Variants in KCNK9 observed in about 807,000 individuals in gnomAD.
KCNK9 encodes the protein potassium channel subfamily K member 9.
In KCNK9, 1 loss-of-function variant was observed where a neutral mutation model predicts 10.8. The ratio of observed to expected loss-of-function variants is 0.09; its 90% confidence interval spans 0.03 to 0.44. The LOEUF (loss-of-function observed/expected upper bound fraction) is 0.44. KCNK9 is among the 20% of genes least tolerant of loss of function. The probability of loss-of-function intolerance (pLI) is 0.97; values close to 1 mark genes in which losing one functional copy is unlikely to be tolerated. For synonymous variants in KCNK9, 231 were observed against 222.7 expected, an observed-to-expected ratio of 1.04 and a Z score of -0.33; for missense variants, 303 against 515.0, an observed-to-expected ratio of 0.59 and a Z score of 3.98.
Position 139,660,451 on chromosome 8 carries a change from T to A in KCNK9, c.284-41352A>T, listed in dbSNP as rs767438584. Among the ~76,000 whole-genome samples, 788 of 91,888 alleles carry A rather than the reference T, an allele frequency of 8.6e-3. 2 individuals are homozygous for A. The highest frequency in any genetic ancestry group is 0.019 in the East Asian group (11 of 570). 60.3% of individuals were successfully genotyped at this position (91,888 alleles called of 152,430 possible). ...GAAACCCGTCTCTGCTAAAAAAAAA[T>A]ATATATATATATATATATATTAGCC... On this transcript the variant is annotated intron_variant, in intron 1 of 1. Transcript: ENST00000520439.
intron 1 of KCNK9, among the ~76,000 whole-genome samples, chr8:139,656,208 G>C (rs1233780734): frequency 6.6e-6 from 1 of 152,116 alleles, no homozygotes; most frequent in Admixed American, 6.5e-5. Flanking sequence ...CAGCTGTCAG[G>C]CCCTCCCTGC....
In KCNK9 at chr8:139,643,506, A is replaced by G. The variant is rs79553953; in HGVS notation, c.284-24407T>C. On this transcript the variant is annotated intron_variant, in intron 1 of 1. Coordinates refer to ENST00000520439, the MANE Select transcript of KCNK9 (RefSeq NM_001282534.2). ...GACACAGGAGCGTTCCGGATCCTGA[A>G]GATTTCCCTCCTGGGCCAAGGTCAC... is the stretch of plus-strand genomic sequence containing the variant. Among the ~76,000 whole-genome samples the G allele has an allele frequency of 1.9e-3, 292 of 152,336 alleles. 3 individuals carry two copies. The highest frequency in any genetic ancestry group is 6.6e-3 in the African/African-American group (274 of 41,574).
Position 139,693,219 on chromosome 8 carries a change from G to A in KCNK9, c.283+9491C>T, listed in dbSNP as rs1816971955. 6.6e-6 allele frequency among the ~76,000 whole-genome samples: 1 copy of A among 152,110 alleles called. No individual in the cohort carries two copies. The highest frequency in any genetic ancestry group is 2.4e-5 in the African/African-American group (1 of 41,428). ...GTGACAGCCAAAGTCCATTTCACAA[G>A]TAGGCATCTCTTCCTGCCAGATGCC... On this transcript the variant is annotated intron_variant, in intron 1 of 1. Coordinates refer to ENST00000520439, the MANE Select transcript of KCNK9 (RefSeq NM_001282534.2). The surrounding 1 kb of genome is among the most constrained non-coding windows in gnomAD (Gnocchi z 4.1).
chr8:139,682,517 T>C (rs1444138850), intron 1 of KCNK9, among the ~76,000 whole-genome samples: 1 of 152,106 alleles, frequency 6.6e-6, no homozygotes, highest in Non-Finnish European at 1.5e-5. Flanking sequence ...CTTCAGTGGC[T>C]AGGGATGCCC....
chr8:139,680,747 C>A (rs564086009), intron 1 of KCNK9, among the ~76,000 whole-genome samples: 1 of 152,298 alleles, frequency 6.6e-6, no homozygotes, highest in East Asian at 1.9e-4. Flanking sequence ...AGGTGCTTAG[C>A]TTCTCTGGGG....
At chr8:139,651,522 T>C (rs1263410604) in intron 1 of KCNK9, among the ~76,000 whole-genome samples, 1 of 152,136 alleles carries the variant, frequency 6.6e-6, no homozygotes, top group African/African-American at 2.4e-5. Flanking sequence ...GAGCATTGTT[T>C]TCTATTAAAG....
chr8:139,627,629 C>T (rs2130126590), intron 1 of KCNK9, among the ~76,000 whole-genome samples: 1 of 152,380 alleles, frequency 6.6e-6, no homozygotes, highest in Non-Finnish European at 1.5e-5. Context: ...ACAGACAGTT[C>T]ATTCTGTTCC....
At chr8:139,667,805 C>T (rs547160329) in intron 1 of KCNK9, among the ~76,000 whole-genome samples, 3 of 151,818 alleles carry the variant, frequency 2.0e-5, no homozygotes, top group Admixed American at 6.6e-5. Context: ...TTCCATTGCA[C>T]GGGAGGCAGA....
At chr8:139,654,936 G>C (rs1211186024) in intron 1 of KCNK9, among the ~76,000 whole-genome samples, 1 of 152,188 alleles carries the variant, frequency 6.6e-6, no homozygotes, top group East Asian at 1.9e-4. Context: ...AGAGGGGGCA[G>C]TGAATGGAAA....
chr8:139,655,120 T>A (rs1446267510), intron 1 of KCNK9, among the ~76,000 whole-genome samples: 2 of 151,896 alleles, frequency 1.3e-5, no homozygotes, highest in East Asian at 1.9e-4. Context: ...TCGCCCCCAC[T>A]CCCCTCCCTC....
At chr8:139,655,923 C>G (rs1586668840) in intron 1 of KCNK9, among the ~76,000 whole-genome samples, 1 of 152,212 alleles carries the variant, frequency 6.6e-6, no homozygotes, top group Admixed American at 6.5e-5. Context: ...GGCCCCCAAG[C>G]CTCAGCTTCC....
At chr8:139,601,754 G>A (rs538983161) in intron 2 of KCNK9, among the ~76,000 whole-genome samples, 1 of 152,314 alleles carries the variant, frequency 6.6e-6, no homozygotes, top group South Asian at 2.1e-4. Flanking sequence ...CCCTGCTCCT[G>A]ATGTAAGATT....
chr8:139,613,078 T>C (rs1174434020), downstream of KCNK9, among the ~76,000 whole-genome samples: 1 of 152,246 alleles, frequency 6.6e-6, no homozygotes. Context: ...ATTGTATGAA[T>C]GTTTCTTAGG....
At chr8:139,629,759 G>A (rs938751183) in intron 1 of KCNK9, among the ~76,000 whole-genome samples, 1 of 152,186 alleles carries the variant, frequency 6.6e-6, no homozygotes, top group African/African-American at 2.4e-5. Context: ...AGATGGTGCA[G>A]AGAGAGACAG....
intron 1 of KCNK9, among the ~76,000 whole-genome samples, chr8:139,664,980 A>G (rs1361801579): frequency 1.3e-5 from 2 of 152,146 alleles, no homozygotes; most frequent in African/African-American, 2.4e-5. Flanking sequence ...TCCTACAACA[A>G]GCACAGCAGG....
intron 1 of KCNK9, among the ~76,000 whole-genome samples, chr8:139,648,754 T>TC (rs1815766811): frequency 6.6e-6 from 1 of 152,176 alleles, no homozygotes; most frequent in Non-Finnish European, 1.5e-5. Flanking sequence ...GCCTCTGGAC[T>TC]CTTATGGGCA....
rs187426618 is a variant in KCNK9, at chr8:139,702,956, C to G, written c.37G>C (p.Val13Leu). Reference protein sequence around the residue: ...RQNVRTLSLIVCTFTYLLVGA... With the variant: ...RQNVRTLSLILCTFTYLLVGA... ...ACCAGCAGGTAGGTGAAGGTGCAGA[C>G]GATGAGGGACAGAGTCCGCACGTTC... Residue 13 changes from valine to leucine, a missense_variant, in exon 1 of 2, where the codon GTC (valine) becomes CTC (leucine). Transcript: ENST00000520439. The surrounding 1 kb of genome is among the most constrained non-coding windows in gnomAD (Gnocchi z 7.5). 6.2e-7 allele frequency: 1 copy of G among 1,607,326 alleles called. No homozygotes were observed. The highest frequency in any genetic ancestry group is 2.3e-5 in the East Asian group (1 of 44,400).
At chr8:139,660,630 A>T (rs1816130211) in intron 1 of KCNK9, among the ~76,000 whole-genome samples, 1 of 151,920 alleles carries the variant, frequency 6.6e-6, no homozygotes, top group African/African-American at 2.4e-5. Flanking sequence ...TTAAAAAAAT[A>T]AAAATAAAAA....
intron 2 of KCNK9, among the ~76,000 whole-genome samples, chr8:139,603,001 C>A (rs1322428463): frequency 6.6e-6 from 1 of 152,194 alleles, no homozygotes; most frequent in African/African-American, 2.4e-5. Context: ...TTCAAGGGAA[C>A]TCACAACAAG....
Sources: allele counts gnomAD v4.1 joint callset (sites outside exome capture counted in the v4.1 genomes callset), GRCh38; gene constraint gnomAD v4.1.1; non-coding constraint Gnocchi (gnomAD v3.1); transcripts MANE v1.5; gene names NCBI Gene and HGNC (gene_info 2026-07-23, HGNC 2026-07-21).